The following TBC1D14 variants were observed in gnomAD, a reference collection of about 807,000 sequenced individuals.
The protein encoded by TBC1D14 is TBC1 domain family, member 14.
Under a neutral mutation model 79.0 loss-of-function variants are expected in TBC1D14, and 26 were observed. The observed-to-expected ratio is 0.33, with a 90% CI of 0.24 to 0.46. The LOEUF is 0.46. TBC1D14 is among the 20% of genes least tolerant of loss of function. The pLI, the probability that TBC1D14 is intolerant of heterozygous loss-of-function variation, is 1.00. For missense variants in TBC1D14, 769 were observed against 887.6 expected (o/e 0.87, Z 1.70); for synonymous variants, 394 against 349.9 (o/e 1.13, Z -1.40).
At chr4:6,909,819 C>G (rs1198295110), upstream of TBC1D14, 1 of 148,310 alleles carries the variant, frequency 6.7e-6, no homozygotes, top group Admixed American at 6.7e-5. Flanking sequence ...GCGGGCTGCT[C>G]GCGCGCACCT....
intron 3 of TBC1D14, chr4:6,987,154 C>G (rs1159260989): frequency 1.7e-6 from 2 of 1,200,066 alleles, no homozygotes; most frequent in East Asian, 3.6e-5. Context: ...CCTGACGCGC[C>G]GAGCCGGCAG....
intron 3 of TBC1D14, among the ~76,000 whole-genome samples, chr4:6,973,858 C>G (rs1368810563): frequency 6.6e-6 from 1 of 152,104 alleles, no homozygotes; most frequent in African/African-American, 2.4e-5. Flanking sequence ...GAGTCTCACT[C>G]TGTCACCCAG....
rs1002861645 is a variant in TBC1D14, at chr4:7,032,943, T to C, written c.*2551T>C. The C allele has an allele frequency of 1.3e-5, 2 of 152,650 alleles. No individual in the cohort carries two copies. Among genetic ancestry groups the C allele is most frequent in the African/African-American group, 2.4e-5 (1 of 41,460 alleles). The allele number at this position is 152,650 out of a possible 1,614,324, so 9.5% of individuals were successfully genotyped here. Reference sequence around the variant, plus strand: ...AAGGTACTTTTTAACTGCTCAGTTTTTGACTATTTTAAATAGTTTGCTGAA... The same window carrying C: ...AAGGTACTTTTTAACTGCTCAGTTTCTGACTATTTTAAATAGTTTGCTGAA... On this transcript the variant is annotated 3_prime_UTR_variant, in exon 14 of 14. Transcript: ENST00000409757.
At chr4:6,932,576 A>C (rs1036377153) in intron 2 of TBC1D14, among the ~76,000 whole-genome samples, 5 of 152,122 alleles carry the variant, frequency 3.3e-5, no homozygotes, top group African/African-American at 1.2e-4. Flanking sequence ...CCACTGTGTG[A>C]TGTTGGCTTT....
At position 7,020,194 on chromosome 4, in the gene TBC1D14, G is replaced by C. The variant is rs180851060; in HGVS notation, c.1758-4810G>C. Among the ~76,000 whole-genome samples, 13 of 147,122 alleles carry C rather than the reference G, an allele frequency of 8.8e-5. No homozygotes were observed. The East Asian group carries it at 2.2e-3, about 25-fold the overall frequency. The stretch of plus-strand genomic sequence containing the variant: ...GTATGTGAACCCCACTGGGCTCAGG[G>C]TGGGGAGGACTCTGGGACACAGAGC... On this transcript the variant is annotated intron_variant, in intron 12 of 13. Transcript: ENST00000409757.
rs1015356165 is a variant in TBC1D14, at chr4:6,998,765, C to G, written c.1046-320C>G. On this transcript the variant is annotated intron_variant, in intron 5 of 13. Coordinates refer to ENST00000409757, the MANE Select transcript of TBC1D14 (RefSeq NM_020773.3). ...CTTTGGCCGGGCTGGTCTCGAACTC[C>G]TGACCTCAGGTGATCCACCCGCCTT... The G allele has an allele frequency of 2.2e-5, 5 of 225,476 alleles. 1 individual carries two copies. Among genetic ancestry groups the G allele is most frequent in the South Asian group, 1.1e-4 (2 of 18,308 alleles). The allele number at this position is 225,476 out of a possible 1,614,324, so 14.0% of individuals were successfully genotyped here.
intron 1 of TBC1D14, among the ~76,000 whole-genome samples, chr4:6,922,346 C>T (rs1349472019): frequency 6.6e-6 from 1 of 152,224 alleles, no homozygotes; most frequent in Admixed American, 6.5e-5. Context: ...ATTATCTTCA[C>T]TGAGCTGGCC....
At chr4:6,938,396 A>G (rs1712555642) in intron 2 of TBC1D14, among the ~76,000 whole-genome samples, 1 of 152,170 alleles carries the variant, frequency 6.6e-6, no homozygotes, top group Non-Finnish European at 1.5e-5. Context: ...CAATGCCAAG[A>G]GGAAACATCT....
At chr4:6,945,749 C>CAAAAAAAAA (rs71173472) in intron 2 of TBC1D14, among the ~76,000 whole-genome samples, 31 of 64,132 alleles carry the variant, frequency 4.8e-4, no homozygotes, top group Admixed American at 1.0e-3. Flanking sequence ...AACTGCGTCT[C>CAAAAAAAAA]AAAAAAAAAA....
At position 6,987,058 on chromosome 4, in the gene TBC1D14, C is replaced by A. The variant is rs1404367467; in HGVS notation, c.844-7126C>A. ...CCCCGGTGTTTACGGCCGGTGGGGC[C>A]GTACCACGGGGACGCCCCAGCCCCG... On this transcript the variant is annotated intron_variant, in intron 3 of 13. Coordinates refer to ENST00000409757, the MANE Select transcript of TBC1D14 (RefSeq NM_020773.3). The A allele has an allele frequency of 4.3e-6, 3 of 698,446 alleles. 1 individual carries two copies. The highest frequency in any genetic ancestry group is 5.7e-6 in the Non-Finnish European group (3 of 528,682). 43.3% of individuals were successfully genotyped at this position (698,446 alleles called of 1,614,324 possible).
chr4:6,922,305 G>A (rs1251386496), intron 1 of TBC1D14, among the ~76,000 whole-genome samples: 2 of 152,136 alleles, frequency 1.3e-5, no homozygotes, highest in Non-Finnish European at 2.9e-5. Flanking sequence ...CTCAAACCTC[G>A]GAGGTTGTGG....
intron 11 of TBC1D14, among the ~76,000 whole-genome samples, chr4:7,013,745 T>TCC (rs1721007900): frequency 6.1e-4 from 2 of 3,254 alleles, no homozygotes; most frequent in African/African-American, 6.3e-3. Flanking sequence ...TCCAGATACT[T>TCC]TTTTTTTTTT....
chr4:6,941,098 T>A (rs1248669382), intron 2 of TBC1D14, among the ~76,000 whole-genome samples: 1 of 152,134 alleles, frequency 6.6e-6, no homozygotes, highest in Non-Finnish European at 1.5e-5. Context: ...TCGAGATGTT[T>A]GTTCTGAATC....
chr4:6,978,731 G>T (rs1306416471), intron 3 of TBC1D14, among the ~76,000 whole-genome samples: 1 of 111,854 alleles, frequency 8.9e-6, no homozygotes, highest in Non-Finnish European at 1.8e-5. Context: ...ACCCAAGAAT[G>T]ATCAATTAAA....
In TBC1D14 at chr4:7,018,112, C is replaced by T. The variant is rs1721456432; in HGVS notation, c.1757+3555C>T. 1.3e-5 allele frequency among the ~76,000 whole-genome samples: 2 copies of T among 152,192 alleles called. 1 individual carries two copies. The highest frequency in any genetic ancestry group is 4.1e-4 in the South Asian group (2 of 4,830). ...TGTGAGGTCCAGGTTGGTTTGCCTTCGGGGTCTTTGCTGCTTCTGCTACAT... is the reference window on the plus strand; with the variant it reads ...TGTGAGGTCCAGGTTGGTTTGCCTTTGGGGTCTTTGCTGCTTCTGCTACAT... On this transcript the variant is annotated intron_variant, in intron 12 of 13. Coordinates refer to ENST00000409757, the MANE Select transcript of TBC1D14 (RefSeq NM_020773.3).
At chr4:6,915,952 TAA>T (rs77312739) in intron 1 of TBC1D14, among the ~76,000 whole-genome samples, 36 of 137,238 alleles carry the variant, frequency 2.6e-4, no homozygotes, top group Middle Eastern at 7.1e-3. Flanking sequence ...CCACCTCTAC[TAA>T]AAAAAAAAAA....
chr4:6,942,764 T>TGAGGCC (rs1353592998), intron 2 of TBC1D14, among the ~76,000 whole-genome samples: 2 of 152,108 alleles, frequency 1.3e-5, no homozygotes, highest in Middle Eastern at 3.4e-3. Flanking sequence ...AGAAGGAAGG[T>TGAGGCC]GAGGGGCCAG....
intron 3 of TBC1D14, among the ~76,000 whole-genome samples, chr4:6,982,436 G>A (rs1413445278): frequency 2.0e-5 from 3 of 152,172 alleles, no homozygotes; most frequent in Non-Finnish European, 4.4e-5. Context: ...TGCCAGGGGT[G>A]GGGTAGGGTG....
At chr4:6,958,808 G>C (rs971901914) in intron 2 of TBC1D14, among the ~76,000 whole-genome samples, 1 of 152,086 alleles carries the variant, frequency 6.6e-6, no homozygotes, top group Non-Finnish European at 1.5e-5. Flanking sequence ...CTCGAAAGCC[G>C]GACACTCCTC....
Sources: allele counts gnomAD v4.1 joint callset (sites outside exome capture counted in the v4.1 genomes callset), GRCh38; gene constraint gnomAD v4.1.1; transcripts MANE v1.5; gene names NCBI Gene and HGNC (gene_info 2026-07-23, HGNC 2026-07-21).